The following CKMT2 variants were observed in gnomAD, a reference collection of about 807,000 sequenced individuals.
CKMT2 encodes creatine kinase, mitochondrial 2, also known as creatine kinase S-type, mitochondrial.
In CKMT2, 43 loss-of-function variants were observed where a neutral mutation model predicts 48.9. The observed-to-expected ratio is 0.88, with a 90% CI of 0.69 to 1.13. CKMT2 has a LOEUF of 1.13. Ranked by LOEUF, CKMT2 falls within the 50% of genes most tolerant of loss-of-function variation. CKMT2 has a pLI of 0.00. For missense variants in CKMT2, 472 were observed against 555.4 expected (o/e 0.85, Z 1.51); for synonymous variants, 206 against 213.0 (o/e 0.97, Z 0.29).
chr5:81,244,034 A>C, intron 1 of CKMT2: 1 of 985,334 alleles, frequency 1.0e-6, no homozygotes, highest in Non-Finnish European at 1.2e-6. Flanking sequence ...CTCTTTCCCC[A>C]AAAATAGATC....
At chr5:81,262,404 G>A (rs985959176) in intron 8 of CKMT2, among the ~76,000 whole-genome samples, 20 of 152,008 alleles carry the variant, frequency 1.3e-4, no homozygotes, top group South Asian at 2.1e-4. Context: ...GGCAACCTAC[G>A]GAATGGGAGA....
chr5:81,258,472 C>T (rs1757092966), intron 7 of CKMT2, among the ~76,000 whole-genome samples: 1 of 152,168 alleles, frequency 6.6e-6, no homozygotes, highest in Admixed American at 6.5e-5. Flanking sequence ...CTGTATTCTC[C>T]TACTCTCTTG....
rs1174396144 is a variant in CKMT2, at chr5:81,266,122, C to A, written c.1141-17C>A. 1 of 1,609,808 alleles carries A rather than the reference C, an allele frequency of 6.2e-7. No individual in the cohort carries two copies. Among genetic ancestry groups the A allele is most frequent in the Non-Finnish European group, 8.5e-7 (1 of 1,176,738 alleles). ...GCTTCTATTCAAATTAATCATTCATCTTCTTCACTGTCAAAGGTTGAGCTT... is the reference window on the plus strand; with the variant it reads ...GCTTCTATTCAAATTAATCATTCATATTCTTCACTGTCAAAGGTTGAGCTT... On this transcript the variant is annotated splice_polypyrimidine_tract_variant and intron_variant, in intron 9 of 9. Coordinates refer to ENST00000254035, the MANE Select transcript of CKMT2 (RefSeq NM_001099735.2).
intron 1 of CKMT2, among the ~76,000 whole-genome samples, chr5:81,246,041 G>C (rs989787872): frequency 4.0e-5 from 6 of 151,782 alleles, no homozygotes; most frequent in Admixed American, 3.9e-4. Context: ...GACTCACCTG[G>C]GTCTCAGCAC....
At chr5:81,257,953 G>A (rs999226830) in intron 7 of CKMT2, 97 bp downstream of exon 7, 2 of 1,234,544 alleles carry the variant, frequency 1.6e-6, no homozygotes, top group Admixed American at 2.8e-5. Context: ...CCAAGATGGA[G>A]CTAATTTTTT....
At chr5:81,257,141 AGTGTGTGTGTGTGTGTGTGTGTGT>A (rs3830407) in intron 6 of CKMT2, 141 bp downstream of exon 6, 211 of 499,076 alleles carry the variant, frequency 4.2e-4, no homozygotes, top group Middle Eastern at 2.6e-3. Flanking sequence ...CTACTTGGAA[AGTGTGTGTGTGTGTGTGTGTGTGT>A]GTGTGTGTGT....
At chr5:81,266,005 T>C (rs1561290442) in intron 9 of CKMT2, 134 bp from the exon 10 acceptor site, 1 of 708,012 alleles carries the variant, frequency 1.4e-6, no homozygotes. Context: ...TGCCTTCCAT[T>C]TCTGAGAAGG....
intron 1 of CKMT2, chr5:81,244,246 C>T (rs1012915209): frequency 6.3e-6 from 6 of 948,922 alleles, no homozygotes; most frequent in South Asian, 4.9e-5. Flanking sequence ...TCATAGAAAT[C>T]GCAAGATATA....
chr5:81,259,173 A>G lies in CKMT2; in HGVS notation c.933A>G (p.Leu311=). ...GGGAGTTCATGTGGAATGAGCGCCT[A>G]GGATACATTTTGACCTGTCCTTCGA... ...RGWEFMWNER[L]GYILTCPSNL... is the part of the protein sequence containing the mutation. Residue 311 remains leucine, a synonymous_variant, in exon 8 of 10, where the codon CTA becomes CTG. Transcript: ENST00000254035. 1 of 1,614,134 alleles carries G rather than the reference A, an allele frequency of 6.2e-7. No individual in the cohort carries two copies. The highest frequency in any genetic ancestry group is 8.5e-7 in the Non-Finnish European group (1 of 1,180,002).
At chr5:81,242,455 A>C (rs1352115945) in intron 1 of CKMT2, 3 of 514,732 alleles carry the variant, frequency 5.8e-6, no homozygotes, top group Non-Finnish European at 1.1e-5. Context: ...TCAATTTTAC[A>C]GAGGTCGCCT....
At chr5:81,254,196 GCTTT>G (rs988454628) in intron 3 of CKMT2, among the ~76,000 whole-genome samples, 196 bp from the exon 4 acceptor site, 31 of 152,028 alleles carry the variant, frequency 2.0e-4, no homozygotes, top group African/African-American at 7.5e-4. Context: ...CCTTCAAAAG[GCTTT>G]CTCTCTTGTT....
At chr5:81,253,078 A>T (rs762910556) in intron 3 of CKMT2, among the ~76,000 whole-genome samples, 185 bp downstream of exon 3, 1 of 152,222 alleles carries the variant, frequency 6.6e-6, no homozygotes, top group Non-Finnish European at 1.5e-5. Flanking sequence ...TGAGGTCTAT[A>T]GCTTCCCAGG....
chr5:81,265,760 T>C (rs1757364917), intron 9 of CKMT2, among the ~76,000 whole-genome samples: 1 of 152,170 alleles, frequency 6.6e-6, no homozygotes, highest in East Asian at 1.9e-4. Flanking sequence ...CATTAGCATA[T>C]CCAGTGCTCA....
chr5:81,257,611 T>C, intron 6 of CKMT2, 122 bp from the exon 7 acceptor site: 1 of 786,438 alleles, frequency 1.3e-6, no homozygotes, highest in Non-Finnish European at 2.0e-6. Context: ...AGTTAAGAGA[T>C]TAGGGCCATC....
At chr5:81,250,384 C>T (rs920761604) in intron 1 of CKMT2, among the ~76,000 whole-genome samples, 13 of 152,198 alleles carry the variant, frequency 8.5e-5, no homozygotes, top group Non-Finnish European at 1.2e-4. Flanking sequence ...CATCTTCAGT[C>T]GTTAGCAGTC....
intron 1 of CKMT2, among the ~76,000 whole-genome samples, chr5:81,241,971 AAAG>A (rs1756451022): frequency 1.3e-5 from 2 of 151,942 alleles, no homozygotes; most frequent in Admixed American, 1.3e-4. Context: ...AAAAAAAAAA[AAAG>A]GAAACAGAAG....
At chr5:81,239,996 G>T (rs1327394607) in intron 1 of CKMT2, among the ~76,000 whole-genome samples, 2 of 152,152 alleles carry the variant, frequency 1.3e-5, no homozygotes, top group African/African-American at 4.8e-5. Context: ...ATAGTCATCA[G>T]ATGAATAAGT....
At chr5:81,259,097 G>T (rs1757117053) in intron 7 of CKMT2, 23 bp from the exon 8 acceptor site, 1 of 1,602,874 alleles carries the variant, frequency 6.2e-7, no homozygotes, top group South Asian at 1.1e-5. Context: ...GCTGTCATTT[G>T]TTCACTGTGG....
chr5:81,241,765 A>G (rs1389085124), intron 1 of CKMT2, among the ~76,000 whole-genome samples: 2 of 152,268 alleles, frequency 1.3e-5, no homozygotes, highest in Admixed American at 6.5e-5. Flanking sequence ...CTGTCTTTGC[A>G]ATCTCCTTAG....
Sources: gnomAD v4.1 joint callset for allele counts (sites outside exome capture counted in the v4.1 genomes callset) on GRCh38, gnomAD v4.1.1 for gene constraint, MANE v1.5 for transcripts, NCBI Gene and HGNC (gene_info 2026-07-23, HGNC 2026-07-21) for gene names.